CAMK1D: variants seen among roughly 807,000 people sequenced by gnomAD.
CAMK1D encodes the protein calcium/calmodulin-dependent protein kinase type 1D.
CAMK1D carries 9 observed loss-of-function variants against 47.7 expected under a neutral mutation model. The ratio of observed to expected loss-of-function variants is 0.19; its 90% CI spans 0.11 to 0.33. The LOEUF (loss-of-function observed/expected upper bound fraction) is 0.33, where lower values mean the gene tolerates loss of function less well. Ranked by LOEUF, CAMK1D falls within the 10% of genes least tolerant of loss-of-function variation. CAMK1D has a pLI of 1.00. For synonymous variants in CAMK1D, 184 were observed against 184.9 expected, an observed-to-expected ratio of 0.99 and a Z score of 0.04; for missense variants, 291 against 488.7, an observed-to-expected ratio of 0.60 and a Z score of 3.81.
intron 3 of CAMK1D, among the ~76,000 whole-genome samples, chr10:12,691,595 G>C (rs1314054511): frequency 6.6e-6 from 1 of 150,608 alleles, no homozygotes; most frequent in African/African-American, 2.5e-5. Flanking sequence ...AGCACGTCCA[G>C]CTCATATTTT....
chr10:12,619,878 C>A (rs1838938295), intron 2 of CAMK1D, among the ~76,000 whole-genome samples: 1 of 152,112 alleles, frequency 6.6e-6, no homozygotes, highest in Non-Finnish European at 1.5e-5. Flanking sequence ...CCTCAGGTAA[C>A]CTGTAGTCTC....
chr10:12,661,425 T>A (rs878940334), intron 2 of CAMK1D, among the ~76,000 whole-genome samples: 1 of 152,238 alleles, frequency 6.6e-6, no homozygotes, highest in African/African-American at 2.4e-5. Flanking sequence ...AATACTTACC[T>A]AGCCTCATGG....
intron 4 of CAMK1D, among the ~76,000 whole-genome samples, chr10:12,768,142 G>A (rs1263423335): frequency 6.6e-6 from 1 of 152,156 alleles, no homozygotes; most frequent in South Asian, 2.1e-4. Context: ...AAAAGTGCTG[G>A]GATTACAGGT....
intron 5 of CAMK1D, among the ~76,000 whole-genome samples, chr10:12,780,644 G>A (rs757630256): frequency 2.6e-5 from 4 of 152,090 alleles, no homozygotes; most frequent in African/African-American, 7.2e-5. Context: ...TTCACTCCTC[G>A]ATGTGGTTGC....
At chr10:12,616,105 TGTGTGTATGTGG>T (rs1564447106) in intron 2 of CAMK1D, among the ~76,000 whole-genome samples, 3 of 151,832 alleles carry the variant, frequency 2.0e-5, no homozygotes, top group South Asian at 4.1e-4. Context: ...GGTGTGAGCG[TGTGTGTATGTGG>T]GTGTGTATAT....
At chr10:12,722,868 G>T (rs1193915283) in intron 3 of CAMK1D, among the ~76,000 whole-genome samples, 1 of 152,206 alleles carries the variant, frequency 6.6e-6, no homozygotes, top group Non-Finnish European at 1.5e-5. Flanking sequence ...AGAGTAAAGA[G>T]TCAGGAAATG....
chr10:12,402,076 A>T lies in CAMK1D; in HGVS notation c.92+52166A>T, dbSNP rs535672641. 8.8e-3 allele frequency among the ~76,000 whole-genome samples: 1,309 copies of T among 148,132 alleles called. 15 individuals carry two copies. Among genetic ancestry groups the T allele is most frequent in the African/African-American group, 0.031 (1,225 of 40,016 alleles). On this transcript the variant is annotated intron_variant, in intron 1 of 10. Coordinates refer to ENST00000619168, the MANE Select transcript of CAMK1D (RefSeq NM_153498.4). ...ATGCCCAGCTAATTTTTGTATATAT[A>T]TATATTTTTTTGAGATGGAGTCTCG...
chr10:12,650,916 A>G (rs919956865), intron 2 of CAMK1D, among the ~76,000 whole-genome samples: 3 of 152,142 alleles, frequency 2.0e-5, no homozygotes, highest in African/African-American at 7.2e-5. Flanking sequence ...CCACACCCTT[A>G]CTGCAGGGTT....
At chr10:12,782,981 GTTTTT>G (rs869155068) in intron 5 of CAMK1D, among the ~76,000 whole-genome samples, 1 of 134,852 alleles carries the variant, frequency 7.4e-6, no homozygotes, top group East Asian at 2.7e-4. Flanking sequence ...AGTATTTTCA[GTTTTT>G]TTTTTTTTTG....
chr10:12,568,008 C>T (rs1260829345), intron 2 of CAMK1D, among the ~76,000 whole-genome samples: 1 of 150,760 alleles, frequency 6.6e-6, no homozygotes, highest in Non-Finnish European at 1.5e-5. Flanking sequence ...CTGAGCTTTC[C>T]TTTAAATATG....
intron 2 of CAMK1D, among the ~76,000 whole-genome samples, chr10:12,572,392 A>G (rs1837355173): frequency 6.6e-6 from 1 of 152,158 alleles, no homozygotes; most frequent in Admixed American, 6.5e-5. Context: ...TCCTGAAATC[A>G]TCACAGTCTA....
chr10:12,389,404 T>C (rs539445319), intron 1 of CAMK1D, among the ~76,000 whole-genome samples: 1 of 152,204 alleles, frequency 6.6e-6, no homozygotes, highest in African/African-American at 2.4e-5. Context: ...GCCAGAGGTG[T>C]CTTCAGGCTT....
intron 3 of CAMK1D, among the ~76,000 whole-genome samples, chr10:12,739,895 T>C (rs1835356145): frequency 6.6e-6 from 1 of 152,176 alleles, no homozygotes; most frequent in Non-Finnish European, 1.5e-5. Flanking sequence ...AACAATAGCT[T>C]TCCTGTGAGA....
At chr10:12,393,678 C>T (rs1419108272) in intron 1 of CAMK1D, among the ~76,000 whole-genome samples, 1 of 152,188 alleles carries the variant, frequency 6.6e-6, no homozygotes, top group East Asian at 1.9e-4. Context: ...ACCCAGCCCA[C>T]CTGGGGGAAG....
intron 2 of CAMK1D, among the ~76,000 whole-genome samples, chr10:12,578,570 C>CAAAA (rs781669327): frequency 3.2e-5 from 3 of 93,336 alleles, no homozygotes; most frequent in Admixed American, 1.1e-4. Context: ...AACTCCATCT[C>CAAAA]AAAAAAAAAA....
chr10:12,728,552 T>TCGGAA (rs57208782), intron 3 of CAMK1D, among the ~76,000 whole-genome samples: 55,843 of 151,694 alleles, frequency 0.37, 10,969 homozygotes, highest in African/African-American at 0.52. Flanking sequence ...TTACTGTGTG[T>TCGGAA]GAGGTGATCC....
intron 2 of CAMK1D, among the ~76,000 whole-genome samples, chr10:12,652,357 G>A (rs909693914): frequency 2.7e-5 from 4 of 150,466 alleles, no homozygotes; most frequent in South Asian, 2.1e-4. Context: ...AGAGATGGGC[G>A]GATCACAAGG....
intron 1 of CAMK1D, among the ~76,000 whole-genome samples, chr10:12,350,607 C>T (rs937507804): frequency 2.6e-5 from 4 of 152,236 alleles, no homozygotes; most frequent in Non-Finnish European, 5.9e-5. Flanking sequence ...ATGCTGATGG[C>T]TGTGTCTCAA....
chr10:12,426,705 C>T (rs1182175575), intron 1 of CAMK1D, among the ~76,000 whole-genome samples: 2 of 151,998 alleles, frequency 1.3e-5, no homozygotes, highest in Non-Finnish European at 2.9e-5. Flanking sequence ...CGTGCCACCA[C>T]ACCCAGCTAA....
Sources: allele counts gnomAD v4.1 joint callset (sites outside exome capture counted in the v4.1 genomes callset), GRCh38; gene constraint gnomAD v4.1.1; transcripts MANE v1.5; gene names NCBI Gene and HGNC (gene_info 2026-07-23, HGNC 2026-07-21).